TRPM3: variants seen among roughly 807,000 people sequenced by gnomAD.
The protein encoded by TRPM3 is transient receptor potential cation channel subfamily M member 3.
Under a neutral mutation model 181.2 loss-of-function variants are expected in TRPM3, and 77 were observed. The ratio of observed to expected loss-of-function variants is 0.42; its 90% CI spans 0.35 to 0.51. The LOEUF (loss-of-function observed/expected upper bound fraction) is 0.51. Ranked by LOEUF, TRPM3 falls within the 20% of genes least tolerant of loss-of-function variation. The pLI is 0.01. For missense variants in TRPM3, 1,759 were observed against 2,196.7 expected (o/e 0.80, Z 3.98); for synonymous variants, 745 against 796.4 (o/e 0.94, Z 1.09).
chr9:70,536,773 A>G lies in TRPM3; in HGVS notation c.4340T>C (p.Val1447Ala), dbSNP rs1374147785. ...ACTACTTGAAGGGGCTGTGGAAGGT[A>G]CTGGAGTTGAAAAGCTTGGCTCGCC... ...GLGEPSFSTP[V>A]PSTAPSSSAY... The change falls in exon 26 of 26, where the codon GTA becomes GCA. Residue 1447 changes from valine (V) to alanine (A), a missense_variant. By Grantham distance (64) the Val-to-Ala change is moderately conservative. Coordinates refer to ENST00000677713, the MANE Select transcript of TRPM3 (RefSeq NM_001366145.2). 2 of 1,614,030 alleles carry G rather than the reference A, an allele frequency of 1.2e-6. No individual in the cohort carries two copies. The highest frequency in any genetic ancestry group is 2.2e-5 in the East Asian group (1 of 44,870).
rs558975103 is a variant in TRPM3, at chr9:70,539,061, C to T, written c.3708-1656G>A. Reference sequence around the variant, plus strand: ...AGGATTAAAGTTACTTTTTCCAATCCTTCCAATATGCAAAGTAAATCATTT... The same window carrying T: ...AGGATTAAAGTTACTTTTTCCAATCTTTCCAATATGCAAAGTAAATCATTT... On this transcript the variant is annotated intron_variant, in intron 25 of 25. Transcript: ENST00000677713. Among the ~76,000 whole-genome samples, 4 of 152,260 alleles carry T rather than the reference C, an allele frequency of 2.6e-5. No individual in the cohort carries two copies. The East Asian group carries it at 7.7e-4, about 29-fold the overall frequency.
chr9:71,256,736 A>G (rs1413374433), intron 1 of TRPM3, among the ~76,000 whole-genome samples: 1 of 152,188 alleles, frequency 6.6e-6, no homozygotes, highest in African/African-American at 2.4e-5. Flanking sequence ...GCAAGAACAG[A>G]TGCCACGTAT....
At chr9:71,347,517 A>G (rs563830251) in intron 1 of TRPM3, among the ~76,000 whole-genome samples, 1 of 152,312 alleles carries the variant, frequency 6.6e-6, no homozygotes, top group East Asian at 1.9e-4. Flanking sequence ...AAGCTTTTAC[A>G]TGGATACTGT....
chr9:71,301,123 AG>A (rs1450634961), intron 1 of TRPM3, among the ~76,000 whole-genome samples: 3 of 152,170 alleles, frequency 2.0e-5, no homozygotes, highest in Non-Finnish European at 4.4e-5. Context: ...ACCTGCCCTC[AG>A]GGAACTGTCT....
At chr9:70,652,429 T>G (rs923919842) in intron 9 of TRPM3, among the ~76,000 whole-genome samples, 6 of 152,070 alleles carry the variant, frequency 3.9e-5, no homozygotes. Flanking sequence ...TTTATAAGTT[T>G]GGTGGAAGGT....
Position 70,532,446 on chromosome 9 carries a change from G to A in TRPM3, c.*3507C>T, listed in dbSNP as rs2041014644. On this transcript the variant is annotated 3_prime_UTR_variant, in exon 26 of 26. Coordinates refer to ENST00000677713, the MANE Select transcript of TRPM3 (RefSeq NM_001366145.2). ...GAAACTTATACATTTAAAAAATCCA[G>A]TTCTGTAAAGTGCTGTATTCTGACT... 6.6e-6 allele frequency: 1 copy of A among 152,102 alleles called. No homozygotes were observed. Among genetic ancestry groups the A allele is most frequent in the African/African-American group, 2.4e-5 (1 of 41,410 alleles). The allele number at this position is 152,102 out of a possible 1,614,324, so 9.4% of individuals were successfully genotyped here. A position where few individuals can be genotyped will look rare whatever the true frequency, so the allele number is the denominator to read the frequency against.
chr9:71,203,506 C>T (rs970182932), intron 1 of TRPM3, among the ~76,000 whole-genome samples: 2 of 152,132 alleles, frequency 1.3e-5, no homozygotes, highest in Non-Finnish European at 2.9e-5. Context: ...GTCTTAAAGG[C>T]CCAATAGGGG....
chr9:70,679,018 T>C (rs1212883190), intron 9 of TRPM3, among the ~76,000 whole-genome samples: 1 of 152,220 alleles, frequency 6.6e-6, no homozygotes, highest in Non-Finnish European at 1.5e-5. Context: ...ATAGATAATG[T>C]TCATGATGGT....
chr9:71,100,282 C>A (rs926360531), intron 1 of TRPM3, among the ~76,000 whole-genome samples: 5 of 151,824 alleles, frequency 3.3e-5, no homozygotes, highest in African/African-American at 1.2e-4. Flanking sequence ...ATGTCTTTAC[C>A]CTAAATGAGT....
At chr9:70,681,967 C>T (rs1179765310) in intron 8 of TRPM3, among the ~76,000 whole-genome samples, 1 of 152,078 alleles carries the variant, frequency 6.6e-6, no homozygotes, top group African/African-American at 2.4e-5. Flanking sequence ...TTATGAAAGG[C>T]CTCTCCCTTC....
chr9:71,139,730 A>AAAT (rs1243765098), intron 1 of TRPM3, among the ~76,000 whole-genome samples: 1 of 152,196 alleles, frequency 6.6e-6, no homozygotes, highest in Non-Finnish European at 1.5e-5. Flanking sequence ...CAGTGCTAAG[A>AAAT]AATAATAATA....
intron 1 of TRPM3, among the ~76,000 whole-genome samples, chr9:71,011,232 CAGTAGGGTAACTATAGCAAATAACA>C (rs1418563659): frequency 6.6e-6 from 1 of 152,048 alleles, no homozygotes; most frequent in Non-Finnish European, 1.5e-5. Flanking sequence ...TTCTATTACA[CAGTAGGGTAACTATAGCAAATAACA>C]ATGTATTATA....
rs948313477 is a variant in TRPM3, at chr9:70,685,580, A to C, written c.1273-4002T>G. On this transcript the variant is annotated intron_variant, in intron 8 of 25. Coordinates refer to ENST00000677713, the MANE Select transcript of TRPM3 (RefSeq NM_001366145.2). ...ACCACCACTCTCTGATAAATTTTTA[A>C]CTTTTTGTAGAGATGGGGGTCTCAC... is the stretch of plus-strand genomic sequence containing the variant. Among the ~76,000 whole-genome samples, 6 of 152,088 alleles carry C rather than the reference A, an allele frequency of 3.9e-5. 1 individual carries two copies. In the East Asian group the frequency reaches 1.2e-3, roughly 29 times the overall value.
intron 1 of TRPM3, among the ~76,000 whole-genome samples, chr9:71,415,575 GAAGTATAAGAA>G (rs546624136): frequency 1.3e-5 from 2 of 152,082 alleles, no homozygotes; most frequent in African/African-American, 4.8e-5. Context: ...GTAAGTTTTA[GAAGTATAAGAA>G]AATTACAAGC....
At chr9:71,337,938 G>T (rs751283962) in intron 1 of TRPM3, among the ~76,000 whole-genome samples, 2 of 152,072 alleles carry the variant, frequency 1.3e-5, no homozygotes, top group Middle Eastern at 3.2e-3. Flanking sequence ...GTTGCAGGGT[G>T]GGGGGCCAGG....
intron 1 of TRPM3, among the ~76,000 whole-genome samples, chr9:70,893,384 A>T (rs1259104834): frequency 6.6e-6 from 1 of 152,178 alleles, no homozygotes; most frequent in Non-Finnish European, 1.5e-5. Context: ...TAGGGCTCTC[A>T]TTAGGTTCAA....
chr9:71,183,077 T>C (rs1587827646), intron 1 of TRPM3, among the ~76,000 whole-genome samples: 1 of 152,146 alleles, frequency 6.6e-6, no homozygotes, highest in Admixed American at 6.6e-5. Flanking sequence ...AGATAGAACA[T>C]ACCAGACAAG....
intron 8 of TRPM3, among the ~76,000 whole-genome samples, chr9:70,756,839 G>A (rs1166354773): frequency 6.6e-6 from 1 of 152,156 alleles, no homozygotes; most frequent in East Asian, 1.9e-4. Flanking sequence ...CTAAAGCAGT[G>A]TTTAGAGGTA....
chr9:70,877,804 A>AACACACACACACACACACACACACAC (rs5898169), intron 1 of TRPM3, among the ~76,000 whole-genome samples: 67 of 146,212 alleles, frequency 4.6e-4, no homozygotes, highest in South Asian at 2.4e-3. Context: ...AAAATCATAA[A>AACACACACACACACACACACACACAC]ACACACACAC....
Sources: allele counts gnomAD v4.1 joint callset (sites outside exome capture counted in the v4.1 genomes callset), GRCh38; gene constraint gnomAD v4.1.1; transcripts MANE v1.5; gene names NCBI Gene and HGNC (gene_info 2026-07-23, HGNC 2026-07-21).